USO1: variants seen among roughly 807,000 people sequenced by gnomAD.
USO1 encodes the protein USO1 vesicle transport factor, also known as general vesicular transport factor p115.
In USO1, 57 loss-of-function variants were observed where a neutral mutation model predicts 124.5. That is an observed-to-expected ratio of 0.46 (90% confidence interval 0.37 to 0.57). The LOEUF is 0.57. Ranked by LOEUF, USO1 falls within the 20% of genes least tolerant of loss-of-function variation. USO1 has a pLI of 0.00. For synonymous variants in USO1, 369 were observed against 362.8 expected (o/e 1.02, Z -0.19); for missense variants, 900 against 1,040.6 (o/e 0.86, Z 1.86).
chr4:75,742,647 T>C (rs985158615), intron 1 of USO1, among the ~76,000 whole-genome samples: 57 of 152,252 alleles, frequency 3.7e-4, no homozygotes, highest in Non-Finnish European at 6.2e-4. Flanking sequence ...AGAAATACTT[T>C]GTTAAAAGGC....
chr4:75,756,726 T>C (rs1721456633), intron 3 of USO1, among the ~76,000 whole-genome samples: 1 of 151,840 alleles, frequency 6.6e-6, no homozygotes, highest in African/African-American at 2.4e-5. Flanking sequence ...TTGGTCAGGC[T>C]GGTCTCGAAC....
chr4:75,750,099 CTG>C (rs1328175085), intron 1 of USO1, among the ~76,000 whole-genome samples: 1 of 152,186 alleles, frequency 6.6e-6, no homozygotes, highest in Non-Finnish European at 1.5e-5. Context: ...TTCACCCAGT[CTG>C]TGGTTTACCT....
At chr4:75,798,746 T>C (rs1239471873) in intron 13 of USO1, among the ~76,000 whole-genome samples, 3 of 152,190 alleles carry the variant, frequency 2.0e-5, no homozygotes, top group Non-Finnish European at 4.4e-5. Flanking sequence ...CTTTGAATTA[T>C]ATTTCGGACA....
At chr4:75,791,077 A>C (rs1312945418) in intron 12 of USO1, among the ~76,000 whole-genome samples, 1 of 152,216 alleles carries the variant, frequency 6.6e-6, no homozygotes, top group African/African-American at 2.4e-5. Context: ...GGGGATAATA[A>C]TACTCATCTC....
At chr4:75,759,779 C>T (rs748417276) in intron 4 of USO1, among the ~76,000 whole-genome samples, 20 of 151,774 alleles carry the variant, frequency 1.3e-4, no homozygotes, top group Non-Finnish European at 4.4e-5. Context: ...CATGGTGTTG[C>T]ACACCTGTAA....
At chr4:75,728,548 G>A (rs1577919204) in intron 1 of USO1, among the ~76,000 whole-genome samples, 1 of 152,136 alleles carries the variant, frequency 6.6e-6, no homozygotes, top group Admixed American at 6.5e-5. Flanking sequence ...TACTCAGGAG[G>A]CTGAGGCAGG....
At chr4:75,782,954 G>T (rs1361151862) in intron 9 of USO1, 96 bp downstream of exon 9, 2 of 1,412,262 alleles carry the variant, frequency 1.4e-6, no homozygotes, top group Non-Finnish European at 1.8e-6. Context: ...CAGAATATTT[G>T]ATGGATTTCA....
At position 75,799,788 on chromosome 4, in the gene USO1, T is replaced by C. The variant is rs554556854; in HGVS notation, c.1563+56T>C. 1.8e-5 allele frequency: 29 copies of C among 1,591,834 alleles called. 1 individual carries two copies. The South Asian group carries it at 3.1e-4, about 17-fold the overall frequency. ...AAGTATTTATATCTTTTTTAGTTTT[T>C]CTCCTCAATTAGAAGTAGTTCTATG... On this transcript the variant is annotated intron_variant, in intron 14 of 23. Transcript: ENST00000514213.
intron 1 of USO1, chr4:75,730,002 TGATGTATTCTACATTAATAACCAGGTCA>T (rs1248361622): frequency 2.8e-6 from 1 of 352,678 alleles, no homozygotes; most frequent in Non-Finnish European, 5.5e-6. Flanking sequence ...CTATTTGGGT[TGATGTATTCTACATTAATAACCAGGTCA>T]ATGTCATAAC....
At position 75,782,872 on chromosome 4, in the gene USO1, A is replaced by C; in HGVS notation, c.855+14A>C. On this transcript the variant is annotated intron_variant, in intron 9 of 23. Coordinates refer to ENST00000514213, the MANE Select transcript of USO1 (RefSeq NM_003715.4). ...CTAATGCTACAGGTATACTATCCTT[A>C]GACATAAATGTGGTAAGAATTTTGA... The C allele has an allele frequency of 6.4e-7, 1 of 1,553,974 alleles. No homozygotes were observed. The highest frequency in any genetic ancestry group is 2.4e-5 in the East Asian group (1 of 41,738).
At chr4:75,807,884 G>A (rs1345969557) in intron 20 of USO1, among the ~76,000 whole-genome samples, 3 of 151,708 alleles carry the variant, frequency 2.0e-5, no homozygotes, top group Admixed American at 6.6e-5. Flanking sequence ...ACTTTAGATT[G>A]TTAAAATATA....
In USO1 at chr4:75,795,250, T is replaced by C. The variant is rs181442514; in HGVS notation, c.1452+1349T>C. On this transcript the variant is annotated intron_variant, in intron 13 of 23. Transcript: ENST00000514213. ...TTGGCTTGAGTTTGTAGAGAGACTA[T>C]GAAAAAGTATTTGAGGGATTTTTCC... 147 of 693,962 alleles carry C rather than the reference T, an allele frequency of 2.1e-4. 2 individuals carry two copies. In the African/African-American group the frequency reaches 2.3e-3, roughly 11 times the overall value. 43.0% of individuals were successfully genotyped at this position (693,962 alleles called of 1,614,324 possible). A position where few individuals can be genotyped will look rare whatever the true frequency, so the allele number is the denominator to read the frequency against.
chr4:75,766,957 A>G lies in USO1; in HGVS notation c.296-3482A>G, dbSNP rs17000810. Among the ~76,000 whole-genome samples, 445 of 152,318 alleles carry G rather than the reference A, an allele frequency of 2.9e-3. 3 individuals are homozygous for G. The highest frequency in any genetic ancestry group is 0.01 in the African/African-American group (431 of 41,570). On this transcript the variant is annotated intron_variant, in intron 4 of 23. Transcript: ENST00000514213. Reference sequence around the variant, plus strand: ...GAAATTACCTCTACCTGTGTTAGTAATGTACCTCATTTCTTGAAGTTCAGA... The same window carrying G: ...GAAATTACCTCTACCTGTGTTAGTAGTGTACCTCATTTCTTGAAGTTCAGA...
At chr4:75,809,900 C>CT (rs1368147546) in intron 21 of USO1, among the ~76,000 whole-genome samples, 1 of 152,206 alleles carries the variant, frequency 6.6e-6, no homozygotes, top group Non-Finnish European at 1.5e-5. Context: ...TCCAAAGCTA[C>CT]TTCCACATTT....
chr4:75,754,508 A>G (rs908857007), intron 3 of USO1, among the ~76,000 whole-genome samples: 12 of 152,084 alleles, frequency 7.9e-5, no homozygotes, highest in African/African-American at 2.4e-4. Flanking sequence ...GTACATTTCT[A>G]CTCTACCAAG....
At chr4:75,799,779 T>G in intron 14 of USO1, 47 bp downstream of exon 14, 1 of 1,601,286 alleles carries the variant, frequency 6.2e-7, no homozygotes, top group Non-Finnish European at 8.5e-7. Flanking sequence ...TTATATCTTT[T>G]TTAGTTTTTC....
intron 1 of USO1, among the ~76,000 whole-genome samples, chr4:75,749,604 G>T (rs979540466): frequency 6.6e-6 from 1 of 150,654 alleles, no homozygotes; most frequent in African/African-American, 2.4e-5. Flanking sequence ...TCACTATGTT[G>T]CCCAGGCTGG....
intron 18 of USO1, 103 bp downstream of exon 18, chr4:75,804,375 C>A: frequency 7.0e-7 from 1 of 1,421,702 alleles, no homozygotes; most frequent in Non-Finnish European, 9.2e-7. Flanking sequence ...TTTTTCTAAC[C>A]TTAATCATGG....
Position 75,800,694 on chromosome 4 carries a change from C to T in USO1, c.1759C>T (p.His587Tyr). The change falls in exon 16 of 24, where the codon CAT (histidine) becomes TAT (tyrosine). Residue 587 changes from histidine to tyrosine, a missense_variant. His to Tyr is a moderately conservative substitution (Grantham distance 83). Around this residue, in one of 2 missense-constraint regions of USO1, gnomAD observed 538 missense variants for 681.6 expected, o/e 0.79. Coordinates refer to ENST00000514213, the MANE Select transcript of USO1 (RefSeq NM_003715.4). ...FIEKLGFISK[H>Y]ELYSRASQKP... ...AGAGAAACTAGGATTTATTAGCAAACATGAGTTGTATTCCAGAGCATCTCA... is the reference window on the plus strand; with the variant it reads ...AGAGAAACTAGGATTTATTAGCAAATATGAGTTGTATTCCAGAGCATCTCA... 1 of 1,603,356 alleles carries T rather than the reference C, an allele frequency of 6.2e-7. No individual in the cohort carries two copies. The highest frequency in any genetic ancestry group is 2.2e-5 in the East Asian group (1 of 44,768).
Sources: gnomAD v4.1 joint callset for allele counts (sites outside exome capture counted in the v4.1 genomes callset) on GRCh38, gnomAD v4.1.1 for gene constraint, gnomAD v4.1.1 regional missense constraint, MANE v1.5 for transcripts, NCBI Gene and HGNC (gene_info 2026-07-23, HGNC 2026-07-21) for gene names.